The following CBFA2T3 variants were observed in gnomAD, a reference collection of about 807,000 sequenced individuals.
CBFA2T3 encodes CBFA2/RUNX1 partner transcriptional co-repressor 3.
CBFA2T3 carries 31 observed loss-of-function variants against 58.6 expected under a neutral mutation model. The observed-to-expected ratio is 0.53, with a 90% CI of 0.40 to 0.71. The LOEUF (loss-of-function observed/expected upper bound fraction) is 0.71, where lower values mean the gene tolerates loss of function less well. Ranked by LOEUF, CBFA2T3 falls within the 30% of genes least tolerant of loss-of-function variation. The pLI is 0.00. For missense variants in CBFA2T3, 1,076 were observed against 963.1 expected (o/e 1.12, Z -1.55); for synonymous variants, 531 against 421.9 (o/e 1.26, Z -3.17).
chr16:88,929,017 C>T lies in CBFA2T3; in HGVS notation c.152-27361G>A, dbSNP rs576481908. On this transcript the variant is annotated intron_variant, in intron 1 of 11. Coordinates refer to ENST00000268679, the MANE Select transcript of CBFA2T3 (RefSeq NM_005187.6). ...GGTCTTGGAGGCCCCACGAGGACCT[C>T]GGCTCCGTTCCTGGAGAGCTGTGAC... 8.5e-5 allele frequency among the ~76,000 whole-genome samples: 13 copies of T among 152,304 alleles called. 1 individual carries two copies. Among genetic ancestry groups the T allele is most frequent in the African/African-American group, 1.9e-4 (8 of 41,558 alleles).
At chr16:88,964,211 C>A (rs1972438988) in intron 1 of CBFA2T3, among the ~76,000 whole-genome samples, 1 of 152,252 alleles carries the variant, frequency 6.6e-6, no homozygotes, top group Non-Finnish European at 1.5e-5. Context: ...TCCCCCAATT[C>A]ATGGGTTGCC....
chr16:88,880,236 C>G (rs1969013159), intron 10 of CBFA2T3, among the ~76,000 whole-genome samples: 1 of 146,396 alleles, frequency 6.8e-6, no homozygotes. Flanking sequence ...AACCCTAACC[C>G]TAACCCTAAC....
In CBFA2T3 at chr16:88,885,041, C is replaced by T; in HGVS notation, c.1117+5G>A. 1 of 1,592,264 alleles carries T rather than the reference C, an allele frequency of 6.3e-7. No homozygotes were observed. The highest frequency in any genetic ancestry group is 8.5e-7 in the Non-Finnish European group (1 of 1,173,282). On this transcript the variant is annotated splice_donor_5th_base_variant and intron_variant, in intron 7 of 11. Coordinates refer to ENST00000268679, the MANE Select transcript of CBFA2T3 (RefSeq NM_005187.6). This position sits in a 1 kb window ranked among gnomAD's most constrained non-coding sequence, Gnocchi z 5.3. ...TCCACGCTCCCGCCCCACCGGGCTG[C>T]TCACCAAGCGGCCGATGGCGCTCTC...
intron 1 of CBFA2T3, among the ~76,000 whole-genome samples, chr16:88,960,240 G>GCACT (rs1972325336): frequency 6.6e-6 from 1 of 152,114 alleles, no homozygotes; most frequent in Non-Finnish European, 1.5e-5. Context: ...GGAGGGCAGG[G>GCACT]CACTCTTCTG....
chr16:88,898,233 T>A (rs1256922383), intron 2 of CBFA2T3, 81 bp from the exon 3 acceptor site: 38 of 1,037,144 alleles, frequency 3.7e-5, no homozygotes, highest in Non-Finnish European at 5.2e-5. Flanking sequence ...CGCGGCCACC[T>A]TTTCCTACTT....
chr16:88,938,221 T>TCATGACC (rs1335139251), intron 1 of CBFA2T3: 1 of 152,292 alleles, frequency 6.6e-6, no homozygotes, highest in East Asian at 1.9e-4. Context: ...TAACCCCGAG[T>TCATGACC]CATGACCGAG....
intron 1 of CBFA2T3, among the ~76,000 whole-genome samples, chr16:88,924,185 A>C (rs546856938): frequency 6.6e-6 from 1 of 152,176 alleles, no homozygotes; most frequent in South Asian, 2.1e-4. Flanking sequence ...TGGAGGGGCT[A>C]CACCTGCTGG....
At chr16:88,894,415 GCATA>G (rs1217030850) in intron 3 of CBFA2T3, among the ~76,000 whole-genome samples, 3 of 97,116 alleles carry the variant, frequency 3.1e-5, no homozygotes, top group Admixed American at 2.2e-4. Flanking sequence ...ACACACACAT[GCATA>G]CATATACACA....
chr16:88,950,393 C>G (rs1408094115), intron 1 of CBFA2T3: 2 of 426,380 alleles, frequency 4.7e-6, no homozygotes, highest in Non-Finnish European at 9.3e-6. Flanking sequence ...TCTTCCGGGT[C>G]AGTTCACCCG....
At chr16:88,898,030 G>A (rs1969953110) in intron 3 of CBFA2T3, 48 bp downstream of exon 3, 1 of 1,370,650 alleles carries the variant, frequency 7.3e-7, no homozygotes, top group Non-Finnish European at 1.0e-6. Flanking sequence ...TGAGGATGCT[G>A]CGGTGAAGAC....
At position 88,882,007 on chromosome 16, in the gene CBFA2T3, G is replaced by A. The variant is rs370206626; in HGVS notation, c.1204-518C>T. Among the ~76,000 whole-genome samples the A allele has an allele frequency of 5.6e-4, 86 of 152,298 alleles. No individual in the cohort carries two copies. In the South Asian group the frequency reaches 0.017, roughly 30 times the overall value. ...TGCCCACACTTCTTGCAAGACTCAG[G>A]ATAGACTCTGGGAAGAGCCAGTGAG... On this transcript the variant is annotated intron_variant, in intron 8 of 11. Coordinates refer to ENST00000268679, the MANE Select transcript of CBFA2T3 (RefSeq NM_005187.6).
At chr16:88,882,585 T>C in intron 8 of CBFA2T3, 91 bp downstream of exon 8, 1 of 410,690 alleles carries the variant, frequency 2.4e-6, no homozygotes, top group Non-Finnish European at 3.8e-6. Context: ...GGCGTGGCTG[T>C]GTGTGCATGG....
intron 1 of CBFA2T3, among the ~76,000 whole-genome samples, chr16:88,924,589 G>A (rs1199029084): frequency 6.6e-6 from 1 of 152,202 alleles, no homozygotes; most frequent in South Asian, 2.1e-4. Flanking sequence ...CCTCGAAGCA[G>A]CTGGAAGCAG....
At chr16:88,895,824 C>T (rs1026417937) in intron 3 of CBFA2T3, among the ~76,000 whole-genome samples, 15 of 152,196 alleles carry the variant, frequency 9.9e-5, no homozygotes, top group Non-Finnish European at 1.5e-4. Flanking sequence ...GGAAGCTGCC[C>T]TGGTTAGGAG....
rs141447768 is a variant in CBFA2T3, at chr16:88,901,489, G to A, written c.304+15C>T. The A allele has an allele frequency of 2.8e-3, 3,937 of 1,425,598 alleles. 108 individuals are homozygous for A. In the African/African-American group the frequency reaches 0.053, roughly 19 times the overall value. 88.3% of individuals were successfully genotyped at this position (1,425,598 alleles called of 1,614,324 possible). On this transcript the variant is annotated intron_variant, in intron 2 of 11. Transcript: ENST00000268679. The stretch of plus-strand genomic sequence containing the variant: ...GAAACACCTGGCCCTCGGCTGCCAG[G>A]TGGGGGCTACTTACGTGTGTGTGGC...
At chr16:88,931,780 G>C (rs540455804) in intron 1 of CBFA2T3, among the ~76,000 whole-genome samples, 11 of 152,252 alleles carry the variant, frequency 7.2e-5, no homozygotes, top group Admixed American at 7.2e-4. Context: ...GGTTTGGTTG[G>C]ATGCAGGTGC....
intron 3 of CBFA2T3, among the ~76,000 whole-genome samples, chr16:88,893,080 G>A (rs905561116): frequency 6.6e-6 from 1 of 152,144 alleles, no homozygotes; most frequent in Non-Finnish European, 1.5e-5. Context: ...TGGAAAATGA[G>A]AAGTCGCTCA....
intron 1 of CBFA2T3, among the ~76,000 whole-genome samples, chr16:88,968,312 A>G (rs1972564046): frequency 1.3e-5 from 2 of 152,162 alleles, no homozygotes; most frequent in African/African-American, 2.4e-5. Context: ...TTCGCCAGGA[A>G]GCGGCTGCCT....
intron 11 of CBFA2T3, among the ~76,000 whole-genome samples, chr16:88,878,051 C>T (rs1423039424): frequency 6.6e-6 from 1 of 152,216 alleles, no homozygotes; most frequent in Admixed American, 6.5e-5. Flanking sequence ...CAGGCACAGT[C>T]CCCGCTCCAG....
Sources: allele counts gnomAD v4.1 joint callset (sites outside exome capture counted in the v4.1 genomes callset), GRCh38; gene constraint gnomAD v4.1.1; non-coding constraint Gnocchi (gnomAD v3.1); transcripts MANE v1.5; gene names NCBI Gene and HGNC (gene_info 2026-07-23, HGNC 2026-07-21).